The following TOX variants were observed in gnomAD, a reference collection of about 807,000 sequenced individuals.
The protein encoded by TOX is thymocyte selection associated high mobility group box, also known as thymocyte selection-associated high mobility group box protein TOX.
A neutral mutation model predicts 53.7 loss-of-function variants in TOX; 11 were observed. That is an observed-to-expected ratio of 0.20 (90% CI 0.13 to 0.34). TOX has a LOEUF of 0.34. Among genes scored for constraint, TOX ranks in the 10% least tolerant of loss-of-function variants. The pLI is 1.00. For synonymous variants in TOX, 225 were observed against 245.3 expected (o/e 0.92, Z 0.77); for missense variants, 570 against 664.6 (o/e 0.86, Z 1.56).
At chr8:59,015,212 G>A (rs1316217963) in intron 1 of TOX, among the ~76,000 whole-genome samples, 1 of 152,220 alleles carries the variant, frequency 6.6e-6, no homozygotes, top group African/African-American at 2.4e-5. Context: ...TGAGTTATGA[G>A]TGCATTAGGA....
intron 1 of TOX, among the ~76,000 whole-genome samples, chr8:59,013,330 A>C (rs1813945980): frequency 6.6e-6 from 1 of 152,154 alleles, no homozygotes; most frequent in African/African-American, 2.4e-5. Context: ...AAAAACATAA[A>C]GTATGAGGCT....
At chr8:58,967,829 C>A (rs1030673074) in intron 1 of TOX, among the ~76,000 whole-genome samples, 7 of 152,330 alleles carry the variant, frequency 4.6e-5, no homozygotes, top group Admixed American at 6.5e-5. Context: ...ACATTCCCAG[C>A]ATTAACACTC....
At chr8:58,901,265 T>C (rs1003896232) in intron 3 of TOX, among the ~76,000 whole-genome samples, 19 of 152,160 alleles carry the variant, frequency 1.2e-4, no homozygotes, top group African/African-American at 3.6e-4. Context: ...ATAAATGCAC[T>C]TTATGTTCCA....
intron 1 of TOX, among the ~76,000 whole-genome samples, chr8:59,089,989 A>G (rs1291879263): frequency 2.0e-5 from 3 of 152,204 alleles, no homozygotes; most frequent in Admixed American, 2.0e-4. Flanking sequence ...GCCCCATCAG[A>G]TTCAGAACGT....
intron 1 of TOX, among the ~76,000 whole-genome samples, chr8:59,059,316 T>C (rs1803938154): frequency 6.6e-6 from 1 of 152,204 alleles, no homozygotes; most frequent in Non-Finnish European, 1.5e-5. Flanking sequence ...CTACCTTGGA[T>C]GTTCTTCTAA....
chr8:59,017,192 G>A (rs757287197), intron 1 of TOX, among the ~76,000 whole-genome samples: 2 of 152,182 alleles, frequency 1.3e-5, no homozygotes, highest in South Asian at 2.1e-4. Flanking sequence ...CCTTTAGTTA[G>A]CTGTAATAAA....
chr8:58,839,970 T>C (rs1208852507), intron 4 of TOX, among the ~76,000 whole-genome samples: 1 of 152,226 alleles, frequency 6.6e-6, no homozygotes. Flanking sequence ...AAACCAGGTA[T>C]GGTGCCATTT....
intron 1 of TOX, among the ~76,000 whole-genome samples, chr8:59,077,488 T>G (rs73256339): frequency 0.012 from 1,857 of 152,254 alleles, 52 homozygotes; most frequent in African/African-American, 0.042. Flanking sequence ...TACCCAGGAA[T>G]GTGTGTCTCG....
chr8:58,998,514 T>TAAA (rs1563413332), intron 1 of TOX, among the ~76,000 whole-genome samples: 3 of 112,342 alleles, frequency 2.7e-5, no homozygotes, highest in African/African-American at 1.1e-4. Flanking sequence ...TATATATATA[T>TAAA]ATATATATAT....
intron 3 of TOX, among the ~76,000 whole-genome samples, chr8:58,893,501 C>T (rs971370016): frequency 6.6e-6 from 1 of 151,920 alleles, no homozygotes; most frequent in Non-Finnish European, 1.5e-5. Flanking sequence ...TTGAAATCTA[C>T]AGCACATAAG....
At position 59,117,466 on chromosome 8, in the gene TOX, C is replaced by T. The variant is rs542626289; in HGVS notation, c.102+1420G>A. On this transcript the variant is annotated intron_variant, in intron 1 of 8. Coordinates refer to ENST00000361421, the MANE Select transcript of TOX (RefSeq NM_014729.3). The surrounding 1 kb of genome is among the most constrained non-coding windows in gnomAD (Gnocchi z 4.6). ...CTAACTTGCCTAAACACCATCGGCA[C>T]ACAGCACAGTCCTTTGAGTGGGTCT... Among the ~76,000 whole-genome samples, 71 of 152,334 alleles carry T rather than the reference C, an allele frequency of 4.7e-4. No homozygotes were observed. The highest frequency in any genetic ancestry group is 1.4e-3 in the South Asian group (7 of 4,828).
chr8:58,904,708 A>G (rs1470098103), intron 3 of TOX, among the ~76,000 whole-genome samples: 1 of 152,204 alleles, frequency 6.6e-6, no homozygotes, highest in Admixed American at 6.5e-5. Flanking sequence ...CCCACATGGA[A>G]TTAGTTGGTA....
intron 1 of TOX, among the ~76,000 whole-genome samples, chr8:59,059,125 A>AT (rs1281303914): frequency 2.0e-5 from 3 of 152,348 alleles, no homozygotes; most frequent in African/African-American, 7.2e-5. Flanking sequence ...AGATAGAGGT[A>AT]TTTTAAGTAG....
intron 1 of TOX, among the ~76,000 whole-genome samples, chr8:59,057,963 G>A (rs1459367112): frequency 1.3e-5 from 2 of 152,054 alleles, no homozygotes. Flanking sequence ...TTGACCCAAA[G>A]GGTGCTCTAG....
At position 58,807,374 on chromosome 8, in the gene TOX, A is replaced by G. The variant is rs908759194; in HGVS notation, c.*373T>C. The G allele has an allele frequency of 5.0e-6, 1 of 199,316 alleles. No individual in the cohort carries two copies. Among genetic ancestry groups the G allele is most frequent in the African/African-American group, 2.3e-5 (1 of 43,172 alleles). The allele number at this position is 199,316 out of a possible 1,614,324, so 12.3% of individuals were successfully genotyped here. A position where few individuals can be genotyped will look rare whatever the true frequency, so the allele number is the denominator to read the frequency against. ...TGACTGCTACATCAAGCCATTTAAAAAGTCTTTAGTAGTTTCATATAAACA... is the reference window on the plus strand; with the variant it reads ...TGACTGCTACATCAAGCCATTTAAAGAGTCTTTAGTAGTTTCATATAAACA... On this transcript the variant is annotated 3_prime_UTR_variant, in exon 9 of 9. Transcript: ENST00000361421.
chr8:58,959,880 T>C, intron 2 of TOX, 63 bp downstream of exon 2: 1 of 1,545,202 alleles, frequency 6.5e-7, no homozygotes, highest in Admixed American at 1.7e-5. Context: ...TCATTTGCAA[T>C]GCAACTCTTT....
intron 1 of TOX, among the ~76,000 whole-genome samples, chr8:59,048,950 G>A (rs932128448): frequency 9.9e-5 from 15 of 152,004 alleles, no homozygotes; most frequent in Non-Finnish European, 1.8e-4. Context: ...AAATAAAAAT[G>A]TATTTTCGAA....
intron 1 of TOX, among the ~76,000 whole-genome samples, chr8:59,098,442 A>T (rs1804750864): frequency 2.0e-5 from 3 of 150,910 alleles, no homozygotes; most frequent in African/African-American, 7.3e-5. Flanking sequence ...TTTTTTTCCA[A>T]ACCAAAACCT....
intron 1 of TOX, among the ~76,000 whole-genome samples, chr8:59,024,385 G>T (rs1054306584): frequency 1.5e-4 from 23 of 152,232 alleles, no homozygotes; most frequent in Non-Finnish European, 3.2e-4. Flanking sequence ...TCAGAATTTT[G>T]GGTTGGAACA....
Sources: gnomAD v4.1 joint callset for allele counts (sites outside exome capture counted in the v4.1 genomes callset) on GRCh38, gnomAD v4.1.1 for gene constraint, Gnocchi (gnomAD v3.1) non-coding constraint, MANE v1.5 for transcripts, NCBI Gene and HGNC (gene_info 2026-07-23, HGNC 2026-07-21) for gene names.